The following TEKT4 variants were observed in gnomAD, a reference collection of about 807,000 sequenced individuals.
TEKT4 encodes the protein tektin-4.
A neutral mutation model predicts 46.0 loss-of-function variants in TEKT4; 46 were observed. The ratio of observed to expected loss-of-function variants is 1.00; its 90% CI spans 0.79 to 1.28. The LOEUF (loss-of-function observed/expected upper bound fraction) is 1.28. Ranked by LOEUF, TEKT4 falls within the 50% of genes most tolerant of loss-of-function variation. The probability of loss-of-function intolerance (pLI) is 0.00; values close to 1 mark genes in which losing one functional copy is unlikely to be tolerated. For synonymous variants in TEKT4, 325 were observed against 265.8 expected (o/e 1.22, Z -2.17); for missense variants, 790 against 622.9 (o/e 1.27, Z -2.85).
chr2:94,876,004 A>G (rs112115143), intron 5 of TEKT4, among the ~76,000 whole-genome samples: 3 of 152,130 alleles, frequency 2.0e-5, no homozygotes, highest in African/African-American at 7.2e-5. Context: ...ATGCTACCTC[A>G]TCTTCCCGGG....
rs113132487 is a variant in TEKT4, at chr2:94,875,780, T to G, written c.1091+38T>G. ...CCTCTGAGGCAGTCCCAGGTGGCCC[T>G]GTCCACCTCCTCCCTGTGACTCTCT... is the stretch of plus-strand genomic sequence containing the variant. On this transcript the variant is annotated intron_variant, in intron 5 of 5. Coordinates refer to ENST00000295201, the MANE Select transcript of TEKT4 (RefSeq NM_144705.4). 6.3e-6 allele frequency: 10 copies of G among 1,595,668 alleles called. No homozygotes were observed. The South Asian group carries it at 1.0e-4, about 16-fold the overall frequency.
chr2:94,871,556 T>C lies in TEKT4; in HGVS notation c.-24T>C. 8 of 1,572,226 alleles carry C rather than the reference T, an allele frequency of 5.1e-6. No individual in the cohort carries two copies. Among genetic ancestry groups the C allele is most frequent in the Non-Finnish European group, 6.9e-6 (8 of 1,159,878 alleles). On this transcript the variant is annotated 5_prime_UTR_variant, in exon 1 of 6. Transcript: ENST00000295201. ...TGACCACACACAGTCCTCACTCCCCTGGCCCTGGTGGGCGGCAGGCACCAT... is the reference window on the plus strand; with the variant it reads ...TGACCACACACAGTCCTCACTCCCCCGGCCCTGGTGGGCGGCAGGCACCAT...
intron 5 of TEKT4, among the ~76,000 whole-genome samples, 182 bp from the exon 6 acceptor site, chr2:94,876,371 C>T (rs1182036093): frequency 1.3e-5 from 2 of 152,164 alleles, no homozygotes; most frequent in Non-Finnish European, 2.9e-5. Flanking sequence ...GGCCCACGCT[C>T]CCTGGGAGGA....
At chr2:94,872,683 C>A in intron 1 of TEKT4, 1 of 557,702 alleles carries the variant, frequency 1.8e-6, no homozygotes, top group South Asian at 1.8e-5. Context: ...AGAACCACTA[C>A]AGGCCTGTAG....
chr2:94,874,614 G>A (rs1680746009), intron 3 of TEKT4, among the ~76,000 whole-genome samples, 162 bp from the exon 4 acceptor site: 1 of 152,024 alleles, frequency 6.6e-6, no homozygotes, highest in Non-Finnish European at 1.5e-5. Context: ...TCGGGGGCAG[G>A]GAGCCTGAGG....
At chr2:94,875,535 C>G (rs1680803561) in intron 4 of TEKT4, 53 bp from the exon 5 acceptor site, 1 of 1,609,374 alleles carries the variant, frequency 6.2e-7, no homozygotes, top group East Asian at 2.2e-5. Flanking sequence ...TCTCGGCGTT[C>G]TATATACCCG....
chr2:94,875,502 A>G (rs76521997), intron 4 of TEKT4, 86 bp from the exon 5 acceptor site: 4 of 1,579,528 alleles, frequency 2.5e-6, no homozygotes, highest in Non-Finnish European at 3.4e-6. Flanking sequence ...CACAGCCCCA[A>G]GACCTGGGTA....
chr2:94,874,207 G>T, intron 3 of TEKT4, 99 bp downstream of exon 3: 1 of 1,396,796 alleles, frequency 7.2e-7, no homozygotes, highest in Non-Finnish European at 9.8e-7. Flanking sequence ...CTGGCCCGGA[G>T]GCCCTCGCCC....
At position 94,874,917 on chromosome 2, in the gene TEKT4, C is replaced by T. The variant is rs75577472; in HGVS notation, c.855C>T (p.Cys285=). ...CCTCCGAGGACCTGCGGCTCCAGTG[C>T]GACGCCGTGAACCTGGCCTTCGGGC... The part of the protein sequence containing the change: ...RDTSEDLRLQ[C]DAVNLAFGRR... The change falls in exon 4 of 6, where the codon TGC becomes TGT. Residue 285 remains cysteine (C), a synonymous_variant. Transcript: ENST00000295201. 27 of 1,611,798 alleles carry T rather than the reference C, an allele frequency of 1.7e-5. No homozygotes were observed. The highest frequency in any genetic ancestry group is 6.7e-5 in the Admixed American group (4 of 59,890).
At chr2:94,873,259 C>A in intron 1 of TEKT4, 1 of 1,342,428 alleles carries the variant, frequency 7.4e-7, no homozygotes, top group South Asian at 1.5e-5. Context: ...AAGCCTGGGG[C>A]GTGGGAACTG....
In TEKT4 at chr2:94,871,900, T is replaced by G; in HGVS notation, c.321T>G (p.Arg107=). 6.3e-7 allele frequency: 1 copy of G among 1,597,620 alleles called. No homozygotes were observed. The highest frequency in any genetic ancestry group is 8.5e-7 in the Non-Finnish European group (1 of 1,176,058). Residue 107 remains arginine, a synonymous_variant, in exon 1 of 6, where the codon CGT becomes CGG. Transcript: ENST00000295201. ...ACAGCTGGAAGTCGGAGCTGCAGCGTGAGATGGAGGCGCTGGCTGCGGAGA... is the reference window on the plus strand; with the variant it reads ...ACAGCTGGAAGTCGGAGCTGCAGCGGGAGATGGAGGCGCTGGCTGCGGAGA... The part of the protein sequence containing the change: ...DTHSWKSELQ[R]EMEALAAETN...
Position 94,871,911 on chromosome 2 carries a change from C to G in TEKT4, c.332C>G (p.Ala111Gly), listed in dbSNP as rs781934154. The change falls in exon 1 of 6, where the codon GCG becomes GGG. Residue 111 changes from alanine (A) to glycine (G), a missense_variant. Coordinates refer to ENST00000295201, the MANE Select transcript of TEKT4 (RefSeq NM_144705.4). ...TCGGAGCTGCAGCGTGAGATGGAGG[C>G]GCTGGCTGCGGAGACCAACTTGCTC... The part of the protein sequence containing the change: ...WKSELQREME[A>G]LAAETNLLLA... 4 of 1,597,380 alleles carry G rather than the reference C, an allele frequency of 2.5e-6. No individual in the cohort carries two copies. Among genetic ancestry groups the G allele is most frequent in the East Asian group, 2.2e-5 (1 of 44,528 alleles).
At chr2:94,873,079 G>A (rs1452161460) in intron 1 of TEKT4, 2 of 1,260,700 alleles carry the variant, frequency 1.6e-6, no homozygotes, top group Non-Finnish European at 2.1e-6. Context: ...GAAACACAGG[G>A]TCCTTCTCCT....
rs782290343 is a variant in TEKT4 at position 94,875,021 on chromosome 2, G to A, written c.936+23G>A. The A allele has an allele frequency of 8.9e-6, 14 of 1,564,754 alleles. No individual in the cohort carries two copies. In the East Asian group the frequency reaches 2.6e-4, roughly 29 times the overall value. On this transcript the variant is annotated intron_variant, in intron 4 of 5. Coordinates refer to ENST00000295201, the MANE Select transcript of TEKT4 (RefSeq NM_144705.4). The stretch of plus-strand genomic sequence containing the variant: ...AAGGTGGGGCACCCTGAACCCCGAA[G>A]ACGGCCCCCTCTCATCACCTGGCCT...
In TEKT4 at chr2:94,876,564, A is replaced by G; in HGVS notation, c.1103A>G (p.Glu368Gly). The G allele has an allele frequency of 6.2e-7, 1 of 1,607,462 alleles. No individual in the cohort carries two copies. Residue 368 changes from glutamate (E) to glycine (G), a missense_variant, in exon 6 of 6, where the codon GAG becomes GGG. By Grantham distance (98) the Glu-to-Gly change is moderately conservative. Coordinates refer to ENST00000295201, the MANE Select transcript of TEKT4 (RefSeq NM_144705.4). Reference protein sequence around the residue: ...RDAAQFRLLSEVEELNMSLTA... With the variant: ...RDAAQFRLLSGVEELNMSLTA... ...CCCAACACCCCCAGGCTGTTGAGTG[A>G]GGTGGAGGAGCTGAACATGTCCCTC...
At chr2:94,873,366 C>T (rs539568831) in intron 1 of TEKT4, 154 bp from the exon 2 acceptor site, 8 of 1,483,238 alleles carry the variant, frequency 5.4e-6, no homozygotes, top group East Asian at 4.9e-5. Context: ...CCAAGATAAA[C>T]CCAGTGAGAG....
rs117059915 is a variant in TEKT4 at position 94,872,824 on chromosome 2, C to T, written c.499-696C>T. 1.6e-4 allele frequency: 212 copies of T among 1,289,374 alleles called. 4 individuals are homozygous for T. In the East Asian group the frequency reaches 9.1e-3, roughly 55 times the overall value. The allele number at this position is 1,289,374 out of a possible 1,614,324, so 79.9% of individuals were successfully genotyped here. On this transcript the variant is annotated intron_variant, in intron 1 of 5. Coordinates refer to ENST00000295201, the MANE Select transcript of TEKT4 (RefSeq NM_144705.4). ...TTCTTTACCCTTCTGCAGGCCCTTC[C>T]CCCTGCACTCTCTCAGTGCCTCAAG... is the stretch of plus-strand genomic sequence containing the variant.
In TEKT4 at chr2:94,874,054, A is replaced by G; in HGVS notation, c.659A>G (p.His220Arg). Residue 220 changes from histidine to arginine, a missense_variant, in exon 3 of 6, where the codon CAC becomes CGC. By Grantham distance (29) the His-to-Arg change is conservative. Transcript: ENST00000295201. ...ATCGACGAGACCTGCGGGCGCCACC[A>G]CAGCCAGAGCACCGAGGTGCAGGCT... ...YNIDETCGRH[H>R]SQSTEVQAHP... 2 of 1,613,704 alleles carry G rather than the reference A, an allele frequency of 1.2e-6. No homozygotes were observed. The highest frequency in any genetic ancestry group is 1.7e-6 in the Non-Finnish European group (2 of 1,179,944).
Position 94,871,780 on chromosome 2 carries a change from C to CGAGAGCCAGCAGCTGGCCACA in TEKT4, c.206_226dup (p.Ser69_Glu75dup), listed in dbSNP as rs1558603437. The stretch of plus-strand genomic sequence containing the variant: ...GCGACCAGTCGGAGCGGCAGCGGCA[C>CGAGAGCCAGCAGCTGGCCACA]GAGAGCCAGCAGCTGGCCACAGAGA... On this transcript the variant is annotated inframe_insertion, in exon 1 of 6. Coordinates refer to ENST00000295201, the MANE Select transcript of TEKT4 (RefSeq NM_144705.4). 1 of 1,612,090 alleles carries CGAGAGCCAGCAGCTGGCCACA rather than the reference C, an allele frequency of 6.2e-7. No homozygotes were observed. Among genetic ancestry groups the CGAGAGCCAGCAGCTGGCCACA allele is most frequent in the South Asian group, 1.1e-5 (1 of 91,034 alleles).
Sources: gnomAD v4.1 joint callset for allele counts (sites outside exome capture counted in the v4.1 genomes callset) on GRCh38, gnomAD v4.1.1 for gene constraint, MANE v1.5 for transcripts, NCBI Gene and HGNC (gene_info 2026-07-23, HGNC 2026-07-21) for gene names.